Variants in IQCK observed in about 807,000 individuals in gnomAD.
IQCK encodes the protein IQ motif containing K, also known as IQ domain-containing protein K.
In IQCK, 29 loss-of-function variants were observed where a neutral mutation model predicts 28.1. The ratio of observed to expected loss-of-function variants is 1.03; its 90% confidence interval spans 0.77 to 1.41. IQCK has a LOEUF of 1.41. IQCK is among the 40% of genes most tolerant of loss of function. The probability of loss-of-function intolerance (pLI) is 0.00; values close to 1 mark genes in which losing one functional copy is unlikely to be tolerated. For synonymous variants in IQCK, 113 were observed against 115.1 expected, an observed-to-expected ratio of 0.98 and a Z score of 0.12; for missense variants, 359 against 314.7, an observed-to-expected ratio of 1.14 and a Z score of -1.07.
intron 9 of IQCK, among the ~76,000 whole-genome samples, chr16:19,844,167 C>T (rs2056390474): frequency 6.6e-6 from 1 of 151,806 alleles, no homozygotes; most frequent in Non-Finnish European, 1.5e-5. Context: ...GCAAGCTCCA[C>T]CTCCCAGGCT....
chr16:19,764,041 T>TCCAAAGAGGGCAGGGGAGCC lies in IQCK; in HGVS notation c.535_554dup (p.Phe186GlnfsTer21), dbSNP rs2055192067. ...CATATGGCATCATGACCAGCCAAAATCCAAAGAGGGCAGGGGAGCCATTCA... is the reference window on the plus strand; with the variant it reads ...CATATGGCATCATGACCAGCCAAAATCCAAAGAGGGCAGGGGAGCCCCAAAGAGGGCAGGGGAGCCATTCA... On this transcript the variant is annotated frameshift_variant, in exon 6 of 8. Transcript: ENST00000564186. LOFTEE classifies it high-confidence loss of function. 6.2e-7 allele frequency: 1 copy of TCCAAAGAGGGCAGGGGAGCC among 1,614,106 alleles called. No homozygotes were observed. The highest frequency in any genetic ancestry group is 8.5e-7 in the Non-Finnish European group (1 of 1,179,966).
chr16:19,856,545 T>C, exon 10 of IQCK: 1 of 1,613,750 alleles, frequency 6.2e-7, no homozygotes, highest in Non-Finnish European at 8.5e-7. Context: ...TTCCATCATC[T>C]TAACCATAGC....
chr16:19,743,131 A>G (rs1164196351), intron 4 of IQCK, among the ~76,000 whole-genome samples: 3 of 152,188 alleles, frequency 2.0e-5, no homozygotes, highest in Non-Finnish European at 2.9e-5. Flanking sequence ...AGATCACGCC[A>G]CTGCCCTCCA....
intron 1 of IQCK, among the ~76,000 whole-genome samples, chr16:19,727,597 C>CCA (rs1555513567): frequency 1.6e-5 from 2 of 122,870 alleles, no homozygotes; most frequent in African/African-American, 6.4e-5. Flanking sequence ...CCCCCCCCCC[C>CCA]AAAAAAAAAG....
chr16:19,841,663 A>G (rs572689172), intron 9 of IQCK, among the ~76,000 whole-genome samples: 3 of 152,316 alleles, frequency 2.0e-5, no homozygotes, highest in South Asian at 2.1e-4. Context: ...CTTACTGGCT[A>G]TGTGACCTTG....
chr16:19,753,290 G>A (rs933416784), intron 4 of IQCK, among the ~76,000 whole-genome samples: 3 of 152,034 alleles, frequency 2.0e-5, no homozygotes, highest in Non-Finnish European at 2.9e-5. Context: ...AGCATTACAG[G>A]TGGCATGTGC....
rs566592288 is a variant in IQCK, at chr16:19,810,216, G to T, written c.691-16810G>T. Among the ~76,000 whole-genome samples the T allele has an allele frequency of 1.2e-4, 19 of 152,300 alleles. No individual in the cohort carries two copies. The East Asian group carries it at 3.7e-3, about 29-fold the overall frequency. ...TCCTCTTTGAAAATAGGGATGTTCG[G>T]CCAGGCGCGGTGGCTCATGCCTGTA... On this transcript the variant is annotated intron_variant, in intron 7 of 7. Transcript: ENST00000564186.
intron 9 of IQCK, among the ~76,000 whole-genome samples, chr16:19,849,404 G>A (rs1294879756): frequency 6.6e-6 from 1 of 151,816 alleles, no homozygotes; most frequent in Non-Finnish European, 1.5e-5. Flanking sequence ...AAGAATGAAT[G>A]TGGAATAGGA....
chr16:19,816,314 C>T (rs1213823782), intron 7 of IQCK, among the ~76,000 whole-genome samples: 1 of 152,194 alleles, frequency 6.6e-6, no homozygotes, highest in Non-Finnish European at 1.5e-5. Context: ...CGGAGTCTTA[C>T]TCTGTCACCC....
At chr16:19,764,771 A>G (rs1224338962) in intron 6 of IQCK, among the ~76,000 whole-genome samples, 3 of 149,540 alleles carry the variant, frequency 2.0e-5, no homozygotes, top group Middle Eastern at 3.4e-3. Flanking sequence ...GCTTACTGCA[A>G]GCTCCACCTC....
intron 7 of IQCK, among the ~76,000 whole-genome samples, chr16:19,823,888 A>G (rs1471613148): frequency 6.6e-6 from 1 of 152,102 alleles, no homozygotes; most frequent in Non-Finnish European, 1.5e-5. Flanking sequence ...AGGTGAGATC[A>G]CACCACTGTA....
chr16:19,761,662 A>G (rs555773465), intron 4 of IQCK: 1 of 289,988 alleles, frequency 3.4e-6, no homozygotes, highest in South Asian at 3.2e-5. Context: ...TTGAAATGGA[A>G]ATAGAAGACA....
chr16:19,828,864 A>G (rs1174586374), downstream of IQCK, among the ~76,000 whole-genome samples: 1 of 134,662 alleles, frequency 7.4e-6, no homozygotes, highest in Non-Finnish European at 1.5e-5. Context: ...AAAAATATAT[A>G]TATATATAAA....
At chr16:19,846,929 T>G (rs2056421228) in intron 9 of IQCK, among the ~76,000 whole-genome samples, 1 of 152,166 alleles carries the variant, frequency 6.6e-6, no homozygotes, top group Non-Finnish European at 1.5e-5. Context: ...CTTTCTAACT[T>G]TAGGGACCAA....
downstream of IQCK, among the ~76,000 whole-genome samples, chr16:19,828,918 A>T (rs200482509): frequency 1.7e-4 from 24 of 143,334 alleles, no homozygotes; most frequent in East Asian, 3.0e-3. Flanking sequence ...ATATATTTTT[A>T]TATATATAAT....
At chr16:19,745,457 G>A (rs1195344171) in intron 4 of IQCK, among the ~76,000 whole-genome samples, 1 of 152,126 alleles carries the variant, frequency 6.6e-6, no homozygotes, top group Non-Finnish European at 1.5e-5. Flanking sequence ...CCCCGCAGCG[G>A]CCGTAACATC....
intron 9 of IQCK, among the ~76,000 whole-genome samples, chr16:19,847,249 G>A (rs915010754): frequency 1.3e-5 from 2 of 152,202 alleles, no homozygotes; most frequent in African/African-American, 4.8e-5. Flanking sequence ...CCTCTTGGGT[G>A]TGTAAGACTC....
rs376359131 is a variant in IQCK at position 19,827,077 on chromosome 16, C to G, written c.742C>G (p.Arg248Gly). 5.0e-6 allele frequency: 8 copies of G among 1,614,102 alleles called. No individual in the cohort carries two copies. In the African/African-American group the frequency reaches 8.0e-5, roughly 16 times the overall value. Reference sequence around the variant, plus strand: ...ACTGCGTCAGTGGCAGAAGAAACTTCGCGAGGCCAAGCACATTCACCAGCA... The same window carrying G: ...ACTGCGTCAGTGGCAGAAGAAACTTGGCGAGGCCAAGCACATTCACCAGCA... The change falls in exon 8 of 8, where the codon CGC becomes GGC. Residue 248 changes from arginine to glycine, a missense_variant. Physicochemically the swap from Arg to Gly is moderately radical, Grantham distance 125. Transcript: ENST00000564186.
At chr16:19,780,156 C>T (rs1198229500) in intron 6 of IQCK, among the ~76,000 whole-genome samples, 1 of 152,012 alleles carries the variant, frequency 6.6e-6, no homozygotes, top group African/African-American at 2.4e-5. Context: ...ATTCTCCTGC[C>T]TCAGCGTCCC....
Sources: gnomAD v4.1 joint callset for allele counts (sites outside exome capture counted in the v4.1 genomes callset) on GRCh38, gnomAD v4.1.1 for gene constraint, MANE v1.5 for transcripts, NCBI Gene and HGNC (gene_info 2026-07-23, HGNC 2026-07-21) for gene names.